Variants in CNTN5 observed in about 807,000 individuals in gnomAD.
CNTN5 encodes the protein contactin-5.
In CNTN5, 77 loss-of-function variants were observed where a neutral mutation model predicts 129.1. That is an observed-to-expected ratio of 0.60 (90% CI 0.50 to 0.72). The LOEUF (loss-of-function observed/expected upper bound fraction) is 0.72, where lower values mean the gene tolerates loss of function less well. Ranked by LOEUF, CNTN5 falls within the 30% of genes least tolerant of loss-of-function variation. The probability of loss-of-function intolerance (pLI) is 0.00; values close to 1 mark genes in which losing one functional copy is unlikely to be tolerated. For missense variants in CNTN5, 1,478 were observed against 1,328.8 expected (o/e 1.11, Z -1.75); for synonymous variants, 509 against 465.6 (o/e 1.09, Z -1.20).
intron 2 of CNTN5, among the ~76,000 whole-genome samples, chr11:99,327,908 T>A (rs1041256231): frequency 6.6e-6 from 1 of 152,284 alleles, no homozygotes; most frequent in East Asian, 1.9e-4. Flanking sequence ...CTGGCTCAGC[T>A]CCAAGTGGAA....
chr11:100,260,058 A>G (rs552846651), intron 17 of CNTN5, among the ~76,000 whole-genome samples: 2 of 152,248 alleles, frequency 1.3e-5, no homozygotes, highest in Non-Finnish European at 2.9e-5. Flanking sequence ...CCAGACTAAT[A>G]AAGAAGAAAA....
At chr11:99,345,808 T>C (rs1937812287) in intron 2 of CNTN5, among the ~76,000 whole-genome samples, 1 of 152,224 alleles carries the variant, frequency 6.6e-6, no homozygotes, top group Non-Finnish European at 1.5e-5. Flanking sequence ...GCCTTTCATT[T>C]TGTATACTTT....
chr11:99,926,117 G>A (rs1157561717), intron 7 of CNTN5, among the ~76,000 whole-genome samples: 3 of 152,164 alleles, frequency 2.0e-5, no homozygotes, highest in Non-Finnish European at 4.4e-5. Flanking sequence ...AGGACAGTGA[G>A]CATTAAATTA....
At chr11:100,308,525 C>A in intron 21 of CNTN5, 57 bp downstream of exon 21, 1 of 1,529,048 alleles carries the variant, frequency 6.5e-7, no homozygotes, top group Non-Finnish European at 8.8e-7. Flanking sequence ...TCACATTCTC[C>A]TAAAGAGAGG....
At chr11:99,622,551 A>G (rs1227420369) in intron 3 of CNTN5, among the ~76,000 whole-genome samples, 3 of 152,110 alleles carry the variant, frequency 2.0e-5, no homozygotes, top group Non-Finnish European at 4.4e-5. Flanking sequence ...GGTACTTTAT[A>G]TTGCTCTTGT....
chr11:99,917,125 G>A (rs1027150647), intron 7 of CNTN5, among the ~76,000 whole-genome samples: 10 of 151,644 alleles, frequency 6.6e-5, no homozygotes, highest in East Asian at 1.9e-4. Flanking sequence ...ATTTTTAATC[G>A]AAAGTATGCT....
At chr11:99,523,654 C>T (rs10893453) in intron 2 of CNTN5, among the ~76,000 whole-genome samples, 52,879 of 99,876 alleles carry the variant, frequency 0.53, 10,562 homozygotes, top group Middle Eastern at 0.59. Context: ...TAGAATAGAA[C>T]AGAACAGATC....
chr11:99,699,542 A>ATTT (rs997403289), intron 3 of CNTN5, among the ~76,000 whole-genome samples: 3 of 151,476 alleles, frequency 2.0e-5, no homozygotes, highest in African/African-American at 7.2e-5. Context: ...CAATACTCTG[A>ATTT]TTTTTTATCT....
chr11:100,181,870 A>G (rs1047058341), intron 13 of CNTN5, among the ~76,000 whole-genome samples: 2 of 152,076 alleles, frequency 1.3e-5, no homozygotes, highest in Non-Finnish European at 2.9e-5. Context: ...AGACCTAAAT[A>G]GATGGAGTTA....
chr11:100,299,597 T>G lies in CNTN5; in HGVS notation c.2620+201T>G, dbSNP rs200216962. On this transcript the variant is annotated intron_variant, in intron 20 of 24. Coordinates refer to ENST00000524871, the MANE Select transcript of CNTN5 (RefSeq NM_014361.4). Reference sequence around the variant, plus strand: ...AGTTGATTATTCCACATATGTTGCTTTAAGTTTTTCACATCCTAACAATAT... The same window carrying G: ...AGTTGATTATTCCACATATGTTGCTGTAAGTTTTTCACATCCTAACAATAT... Among the ~76,000 whole-genome samples, 26 of 151,468 alleles carry G rather than the reference T, an allele frequency of 1.7e-4. No individual in the cohort carries two copies. The East Asian group carries it at 5.1e-3, about 30-fold the overall frequency.
chr11:99,963,522 T>C (rs983279536), intron 8 of CNTN5, among the ~76,000 whole-genome samples: 8 of 152,208 alleles, frequency 5.3e-5, no homozygotes, highest in Non-Finnish European at 1.0e-4. Flanking sequence ...TCTATATCTC[T>C]GTTTTGATAC....
rs373045548 is a variant in CNTN5, at chr11:99,942,184, G to A, written c.674-14622G>A. On this transcript the variant is annotated intron_variant, in intron 7 of 24. Coordinates refer to ENST00000524871, the MANE Select transcript of CNTN5 (RefSeq NM_014361.4). ...ATTTAAATAAGTTTATTTTTCACCTGTATGCCACGTTTGCACAGTAAGTGT... is the reference window on the plus strand; with the variant it reads ...ATTTAAATAAGTTTATTTTTCACCTATATGCCACGTTTGCACAGTAAGTGT... 2.6e-5 allele frequency among the ~76,000 whole-genome samples: 4 copies of A among 152,040 alleles called. 1 individual carries two copies. The highest frequency in any genetic ancestry group is 2.4e-5 in the African/African-American group (1 of 41,498).
At chr11:99,493,648 G>A (rs1402017540) in intron 2 of CNTN5, among the ~76,000 whole-genome samples, 3 of 152,148 alleles carry the variant, frequency 2.0e-5, no homozygotes, top group African/African-American at 7.2e-5. Context: ...TATGATATGA[G>A]TAAAATTAAA....
chr11:100,343,763 AC>A, intron 23 of CNTN5, among the ~76,000 whole-genome samples: 1 of 152,166 alleles, frequency 6.6e-6, no homozygotes, highest in African/African-American at 2.4e-5. Context: ...ATATAGAATG[AC>A]CAGGGCTGGG....
At chr11:99,168,263 C>T (rs1279989222) in intron 1 of CNTN5, among the ~76,000 whole-genome samples, 1 of 151,682 alleles carries the variant, frequency 6.6e-6, no homozygotes. Context: ...TATTTTTGTA[C>T]AGGAAATGTA....
intron 1 of CNTN5, among the ~76,000 whole-genome samples, chr11:99,097,320 G>A (rs752660579): frequency 5.9e-5 from 9 of 151,732 alleles, no homozygotes; most frequent in Non-Finnish European, 1.0e-4. Flanking sequence ...GATTATATAC[G>A]TTCCACTGGA....
chr11:100,116,868 G>C (rs1344370029), intron 13 of CNTN5, among the ~76,000 whole-genome samples: 4 of 151,926 alleles, frequency 2.6e-5, no homozygotes, highest in African/African-American at 9.7e-5. Context: ...ATAGCAAAGT[G>C]AATGAAATAC....
At chr11:99,213,364 ATG>A (rs1444357667) in intron 1 of CNTN5, among the ~76,000 whole-genome samples, 6 of 55,982 alleles carry the variant, frequency 1.1e-4, no homozygotes, top group Admixed American at 6.1e-4. Context: ...ATGTGTATAT[ATG>A]TATATATGTA....
chr11:100,067,546 CAT>C (rs1438292766), intron 10 of CNTN5, among the ~76,000 whole-genome samples: 1 of 151,064 alleles, frequency 6.6e-6, no homozygotes, highest in Non-Finnish European at 1.5e-5. Context: ...CACATAACAA[CAT>C]AGTTTGGTAC....
Sources: allele counts gnomAD v4.1 joint callset (sites outside exome capture counted in the v4.1 genomes callset), GRCh38; gene constraint gnomAD v4.1.1; transcripts MANE v1.5; gene names NCBI Gene and HGNC (gene_info 2026-07-23, HGNC 2026-07-21).